Variants in CACNA1D observed in about 807,000 individuals in gnomAD.
CACNA1D encodes the protein voltage-dependent L-type calcium channel subunit alpha-1D.
A neutral mutation model predicts 257.1 loss-of-function variants in CACNA1D; 55 were observed. That is an observed-to-expected ratio of 0.21 (90% CI 0.17 to 0.27). The LOEUF (loss-of-function observed/expected upper bound fraction) is 0.27. Among genes scored for constraint, CACNA1D ranks in the 10% least tolerant of loss-of-function variants. The probability of loss-of-function intolerance (pLI) is 1.00; values close to 1 mark genes in which losing one functional copy is unlikely to be tolerated. For missense variants in CACNA1D, 1,876 were observed against 2,784.0 expected, an observed-to-expected ratio of 0.67 and a Z score of 7.34; for synonymous variants, 980 against 1,014.9, an observed-to-expected ratio of 0.97 and a Z score of 0.65.
At chr3:53,798,709 G>T (rs78886473) in intron 40 of CACNA1D, among the ~76,000 whole-genome samples, 1 of 152,146 alleles carries the variant, frequency 6.6e-6, no homozygotes, top group Non-Finnish European at 1.5e-5. Context: ...TTTTATAAGG[G>T]CCTCTTGGGA....
intron 9 of CACNA1D, among the ~76,000 whole-genome samples, chr3:53,703,106 G>A (rs996271165): frequency 1.3e-5 from 2 of 152,242 alleles, no homozygotes; most frequent in African/African-American, 4.8e-5. Flanking sequence ...TTCTGTGCGG[G>A]CACAGGGGTG....
At chr3:53,600,022 A>T (rs2093422065) in intron 3 of CACNA1D, among the ~76,000 whole-genome samples, 1 of 152,252 alleles carries the variant, frequency 6.6e-6, no homozygotes, top group Non-Finnish European at 1.5e-5. Context: ...TTGGTTTCTC[A>T]GCCTTGAGAT....
At chr3:53,566,892 T>C (rs908427904) in intron 3 of CACNA1D, among the ~76,000 whole-genome samples, 4 of 152,222 alleles carry the variant, frequency 2.6e-5, no homozygotes, top group African/African-American at 9.6e-5. Context: ...ACCCCTGCTG[T>C]TTTCCTTCAG....
At chr3:53,787,065 A>C in intron 40 of CACNA1D, 113 bp downstream of exon 40, 1 of 1,115,422 alleles carries the variant, frequency 9.0e-7, no homozygotes, top group Non-Finnish European at 1.3e-6. Context: ...GATTTTGTTT[A>C]AACTGAGATA....
Position 53,691,869 on chromosome 3 carries a change from ATATTAC to A in CACNA1D, c.1221-10771_1221-10766del, listed in dbSNP as rs2094529587. Among the ~76,000 whole-genome samples, 5 of 110,432 alleles carry A rather than the reference ATATTAC, an allele frequency of 4.5e-5. No homozygotes were observed. The South Asian group carries it at 1.2e-3, about 27-fold the overall frequency. 72.4% of individuals were successfully genotyped at this position (110,432 alleles called of 152,430 possible). ...ATATAATATATAATATATATTATAT[ATATTAC>A]ATATAATATATATTATATATATTAC... On this transcript the variant is annotated intron_variant, in intron 8 of 47. Transcript: ENST00000350061.
chr3:53,755,031 A>C (rs1018761909), intron 29 of CACNA1D, among the ~76,000 whole-genome samples: 2 of 152,266 alleles, frequency 1.3e-5, no homozygotes, highest in Non-Finnish European at 2.9e-5. Context: ...TGACTTGTCC[A>C]TATCTACATA....
chr3:53,752,094 T>C (rs2095230921), intron 28 of CACNA1D, among the ~76,000 whole-genome samples, 187 bp downstream of exon 28: 4 of 152,130 alleles, frequency 2.6e-5, no homozygotes, highest in Admixed American at 2.6e-4. Flanking sequence ...GATAGTTCTT[T>C]TGTTGAAGAA....
At chr3:53,515,620 C>T (rs2091302511) in intron 3 of CACNA1D, among the ~76,000 whole-genome samples, 1 of 152,172 alleles carries the variant, frequency 6.6e-6, no homozygotes. Context: ...TTCCTCGTGT[C>T]ATGGAGTCCT....
intron 3 of CACNA1D, among the ~76,000 whole-genome samples, chr3:53,637,943 C>T (rs1295861158): frequency 2.0e-5 from 3 of 152,148 alleles, no homozygotes; most frequent in Non-Finnish European, 4.4e-5. Flanking sequence ...ATCTCAAACG[C>T]TGTGTCTTAA....
At chr3:53,631,110 T>C (rs545967799) in intron 3 of CACNA1D, among the ~76,000 whole-genome samples, 16 of 152,194 alleles carry the variant, frequency 1.1e-4, no homozygotes, top group Non-Finnish European at 1.8e-4. Context: ...TGGCAATTTC[T>C]TAAAACAAGG....
chr3:53,740,417 A>G (rs1378061064), intron 21 of CACNA1D, 78 bp downstream of exon 21: 2 of 959,656 alleles, frequency 2.1e-6, no homozygotes, highest in African/African-American at 1.6e-5. Context: ...TTTGCCTTCC[A>G]GATGCTAGGT....
chr3:53,810,498 T>G (rs1397830955), intron 47 of CACNA1D, 200 bp downstream of exon 47: 1 of 639,664 alleles, frequency 1.6e-6, no homozygotes. Flanking sequence ...GGCTTACGTC[T>G]GTAATCTCAG....
intron 37 of CACNA1D, 104 bp downstream of exon 37, chr3:53,777,060 G>C: frequency 2.4e-6 from 2 of 838,338 alleles, no homozygotes. Flanking sequence ...CAGTTGCTAG[G>C]GATGCAGCAA....
At position 53,717,758 on chromosome 3, in the gene CACNA1D, A is replaced by G. The variant is rs1217732446; in HGVS notation, c.1391-543A>G. Among the ~76,000 whole-genome samples, 4 of 152,222 alleles carry G rather than the reference A, an allele frequency of 2.6e-5. No homozygotes were observed. In the East Asian group the frequency reaches 7.7e-4, roughly 29 times the overall value. On this transcript the variant is annotated intron_variant, in intron 9 of 47. Coordinates refer to ENST00000350061, the MANE Select transcript of CACNA1D (RefSeq NM_001128840.3). ...TCAGCAGAACTTCAGCATCAGGTAA[A>G]ATAGCAAAAAAATAGAGTTCTTAAC...
At chr3:53,536,471 C>T (rs1348803159) in intron 3 of CACNA1D, among the ~76,000 whole-genome samples, 1 of 152,036 alleles carries the variant, frequency 6.6e-6, no homozygotes, top group Non-Finnish European at 1.5e-5. Context: ...TGGGAACTAC[C>T]AGGTTAAAAG....
At chr3:53,500,956 C>T (rs937516437) in intron 2 of CACNA1D, among the ~76,000 whole-genome samples, 1 of 152,172 alleles carries the variant, frequency 6.6e-6, no homozygotes, top group African/African-American at 2.4e-5. Context: ...AACTGAGCTC[C>T]AGTCCGGCTC....
chr3:53,734,252 T>C (rs1327379387), intron 19 of CACNA1D, among the ~76,000 whole-genome samples: 3 of 150,842 alleles, frequency 2.0e-5, no homozygotes, highest in Non-Finnish European at 4.4e-5. Flanking sequence ...GTGGAAAAAA[T>C]CTTTTCCAAG....
intron 12 of CACNA1D, among the ~76,000 whole-genome samples, chr3:53,722,704 C>A (rs2094894499): frequency 6.6e-6 from 1 of 152,216 alleles, no homozygotes; most frequent in South Asian, 2.1e-4. Flanking sequence ...ATTGTCCTAA[C>A]CCTGAGCCAA....
At chr3:53,669,375 G>A (rs931629713) in intron 7 of CACNA1D, among the ~76,000 whole-genome samples, 1 of 152,264 alleles carries the variant, frequency 6.6e-6, no homozygotes, top group African/African-American at 2.4e-5. Context: ...TGCCTCATTA[G>A]TGTAGATGTG....
Sources: allele counts gnomAD v4.1 joint callset (sites outside exome capture counted in the v4.1 genomes callset), GRCh38; gene constraint gnomAD v4.1.1; transcripts MANE v1.5; gene names NCBI Gene and HGNC (gene_info 2026-07-23, HGNC 2026-07-21).